GADL1: variants seen among roughly 807,000 people sequenced by gnomAD.
GADL1 encodes the protein GAD like acidic amino acid decarboxylase 1.
A neutral mutation model predicts 69.5 loss-of-function variants in GADL1; 71 were observed. That is an observed-to-expected ratio of 1.02 (90% CI 0.84 to 1.25). The LOEUF (loss-of-function observed/expected upper bound fraction) is 1.25. GADL1 is among the 50% of genes most tolerant of loss of function. The probability of loss-of-function intolerance (pLI) is 0.00; values close to 1 mark genes in which losing one functional copy is unlikely to be tolerated. For synonymous variants in GADL1, 254 were observed against 214.4 expected, an observed-to-expected ratio of 1.18 and a Z score of -1.62; for missense variants, 737 against 631.8, an observed-to-expected ratio of 1.17 and a Z score of -1.79.
chr3:30,767,502 G>GA lies in GADL1; in HGVS notation c.1392+10676dup, dbSNP rs1447447134. On this transcript the variant is annotated intron_variant, in intron 14 of 14. Transcript: ENST00000282538. Reference sequence around the variant, plus strand: ...AGACCCCATAATAAAGTGTTAGGAGGAATTAATTAGAAAAACTTGATAATA... The same window carrying GA: ...AGACCCCATAATAAAGTGTTAGGAGGAAATTAATTAGAAAAACTTGATAATA... 9.3e-4 allele frequency among the ~76,000 whole-genome samples: 141 copies of GA among 152,124 alleles called. 1 individual carries two copies. Among genetic ancestry groups the GA allele is most frequent in the Admixed American group, 9.0e-3 (138 of 15,280 alleles).
intron 11 of GADL1, among the ~76,000 whole-genome samples, chr3:30,825,604 A>G (rs2125519751): frequency 6.6e-6 from 1 of 152,122 alleles, no homozygotes; most frequent in East Asian, 1.9e-4. Context: ...TTATTCCAAG[A>G]ACTCAAAAGG....
At chr3:30,884,511 T>C (rs1296612897) in intron 1 of GADL1, among the ~76,000 whole-genome samples, 3 of 152,164 alleles carry the variant, frequency 2.0e-5, no homozygotes, top group Admixed American at 2.0e-4. Context: ...CCTCAACCAC[T>C]ATAACTTCAT....
intron 11 of GADL1, among the ~76,000 whole-genome samples, chr3:30,821,616 G>C (rs1378767723): frequency 1.3e-5 from 2 of 151,944 alleles, no homozygotes; most frequent in Admixed American, 6.6e-5. Context: ...ATCACACAAA[G>C]ATGTTAAGTC....
chr3:30,728,349 G>C lies in GADL1; in HGVS notation c.1459C>G (p.Arg487Gly), dbSNP rs756657458. The C allele has an allele frequency of 4.6e-5, 74 of 1,613,656 alleles. No individual in the cohort carries two copies. The Admixed American group carries it at 1.2e-3, about 27-fold the overall frequency. Residue 487 changes from arginine (R) to glycine (G), a missense_variant, in exon 15 of 15, where the codon CGG (arginine) becomes GGG (glycine). Coordinates refer to ENST00000282538, the MANE Select transcript of GADL1 (RefSeq NM_207359.3). ...TGGCGGAAGAAGTTGACCTTTCCCC[G>C]GTGCGGCTGGTAGCCCAGCATCAAG... ...GSLMLGYQPH[R>G]GKVNFFRQVV... is the part of the protein sequence containing the mutation.
chr3:30,776,000 C>T (rs1160318264), intron 14 of GADL1, among the ~76,000 whole-genome samples: 1 of 152,058 alleles, frequency 6.6e-6, no homozygotes, highest in Non-Finnish European at 1.5e-5. Flanking sequence ...ATGTGGGAAT[C>T]GCTTGAACCC....
intron 11 of GADL1, among the ~76,000 whole-genome samples, chr3:30,820,744 C>A (rs1010640152): frequency 6.6e-6 from 1 of 151,800 alleles, no homozygotes; most frequent in African/African-American, 2.4e-5. Context: ...CTAGTTCAAC[C>A]ATTGTGGAAG....
intron 11 of GADL1, 76 bp downstream of exon 11, chr3:30,833,777 A>G: frequency 1.0e-6 from 1 of 985,644 alleles, no homozygotes; most frequent in Non-Finnish European, 1.6e-6. Context: ...CCAAGAGATG[A>G]GCAAAAATGA....
chr3:30,835,091 G>A (rs1241467714), intron 9 of GADL1, among the ~76,000 whole-genome samples: 2 of 152,058 alleles, frequency 1.3e-5, no homozygotes, highest in Non-Finnish European at 2.9e-5. Flanking sequence ...ATTCCATTAG[G>A]AATGGAGTTA....
At chr3:30,750,784 T>A (rs1695798480) in intron 14 of GADL1, among the ~76,000 whole-genome samples, 1 of 152,308 alleles carries the variant, frequency 6.6e-6, no homozygotes, top group Middle Eastern at 3.4e-3. Flanking sequence ...TTCTTCAAAC[T>A]AACTTATTTT....
At position 30,885,124 on chromosome 3, in the gene GADL1, G is replaced by A. The variant is rs143418867; in HGVS notation, c.37+9454C>T. 5.7e-3 allele frequency among the ~76,000 whole-genome samples: 873 copies of A among 152,130 alleles called. 6 individuals carry two copies. Among genetic ancestry groups the A allele is most frequent in the African/African-American group, 0.02 (824 of 41,520 alleles). ...GTATTTCCAGTCACTGATTTCCTGG[G>A]ATTAGTAATTCTGGCGTGTTCCTTA... On this transcript the variant is annotated intron_variant, in intron 1 of 14. Coordinates refer to ENST00000282538, the MANE Select transcript of GADL1 (RefSeq NM_207359.3).
rs144106579 is a variant in GADL1 at position 30,743,932 on chromosome 3, G to T, written c.1393-15517C>A. On this transcript the variant is annotated intron_variant, in intron 14 of 14. Transcript: ENST00000282538. Reference sequence around the variant, plus strand: ...TTTGGTGCAAGAATAGCATTTCCCAGACAGGGGCTCCTCCATCAGTCTGGA... The same window carrying T: ...TTTGGTGCAAGAATAGCATTTCCCATACAGGGGCTCCTCCATCAGTCTGGA... 9.7e-3 allele frequency among the ~76,000 whole-genome samples: 1,472 copies of T among 152,200 alleles called. 17 individuals are homozygous for T. The highest frequency in any genetic ancestry group is 0.03 in the African/African-American group (1,251 of 41,530).
At chr3:30,793,799 AGC>A (rs1366061085) in intron 12 of GADL1, among the ~76,000 whole-genome samples, 1 of 5,246 alleles carries the variant, frequency 1.9e-4, no homozygotes, top group Non-Finnish European at 3.4e-4. Flanking sequence ...TTCTTACTTC[AGC>A]AGCCGCTTAG....
chr3:30,763,318 G>GA (rs952717601), intron 14 of GADL1, among the ~76,000 whole-genome samples: 28 of 152,004 alleles, frequency 1.8e-4, no homozygotes, highest in Middle Eastern at 3.2e-3. Flanking sequence ...CTAACACGGT[G>GA]AAACCCCCTG....
chr3:30,799,167 C>CCTT (rs1697111266), intron 12 of GADL1: 1 of 152,214 alleles, frequency 6.6e-6, no homozygotes, highest in Admixed American at 6.5e-5. Context: ...GGGCTCTGAC[C>CCTT]CCACATTTCC....
chr3:30,757,484 G>C (rs13091224), intron 14 of GADL1, among the ~76,000 whole-genome samples: 37,409 of 152,138 alleles, frequency 0.25, 4,986 homozygotes, highest in Non-Finnish European at 0.29. Flanking sequence ...TTATGAGCAG[G>C]TATATCCTTG....
At chr3:30,740,988 ATAT>A (rs1695612050) in intron 14 of GADL1, among the ~76,000 whole-genome samples, 2 of 105,062 alleles carry the variant, frequency 1.9e-5, no homozygotes, top group Admixed American at 1.9e-4. Flanking sequence ...TATATATTAT[ATAT>A]TATATATTAA....
At position 30,839,529 on chromosome 3, in the gene GADL1, G is replaced by GAAAAAAAAAAAAAAAA. The variant is rs1491390714; in HGVS notation, c.787-417_787-416insTTTTTTTTTTTTTTTT. Among the ~76,000 whole-genome samples the GAAAAAAAAAAAAAAAA allele has an allele frequency of 1.3e-3, 171 of 133,572 alleles. 5 individuals are homozygous for GAAAAAAAAAAAAAAAA. Among genetic ancestry groups the GAAAAAAAAAAAAAAAA allele is most frequent in the African/African-American group, 2.2e-3 (75 of 33,958 alleles). 87.6% of individuals were successfully genotyped at this position (133,572 alleles called of 152,430 possible). A position where few individuals can be genotyped will look rare whatever the true frequency, so the allele number is the denominator to read the frequency against. On this transcript the variant is annotated intron_variant, in intron 8 of 14. Transcript: ENST00000282538. Reference sequence around the variant, plus strand: ...GTCATCTTCTCAAAAAAAAAAAAAGGTTGGAAGACAGAGCTCCCGGAGTAA... The same window carrying GAAAAAAAAAAAAAAAA: ...GTCATCTTCTCAAAAAAAAAAAAAGGAAAAAAAAAAAAAAAATTGGAAGACAGAGCTCCCGGAGTAA...
intron 11 of GADL1, among the ~76,000 whole-genome samples, chr3:30,823,896 A>T (rs968029680): frequency 6.6e-6 from 1 of 151,960 alleles, no homozygotes; most frequent in Non-Finnish European, 1.5e-5. Context: ...CTGAAGAGAA[A>T]GAATTTCAAG....
At chr3:30,756,096 A>ACCAGCAGCAG (rs993636019) in intron 14 of GADL1, among the ~76,000 whole-genome samples, 4 of 152,312 alleles carry the variant, frequency 2.6e-5, no homozygotes, top group African/African-American at 9.6e-5. Flanking sequence ...GCAGCAGGGA[A>ACCAGCAGCAG]CCAGCAGCAG....
Sources: allele counts gnomAD v4.1 joint callset (sites outside exome capture counted in the v4.1 genomes callset), GRCh38; gene constraint gnomAD v4.1.1; transcripts MANE v1.5; gene names NCBI Gene and HGNC (gene_info 2026-07-23, HGNC 2026-07-21).